Variants in TMEM233 observed in about 807,000 individuals in gnomAD.
TMEM233 encodes dispanin subfamily B member 2.
In TMEM233, 6 loss-of-function variants were observed where a neutral mutation model predicts 11.2. The observed-to-expected ratio is 0.54, with a 90% CI of 0.29 to 1.06. The LOEUF is 1.06. Among genes scored for constraint, TMEM233 ranks in the 50% least tolerant of loss-of-function variants. The probability of loss-of-function intolerance (pLI) is 0.08; values close to 1 mark genes in which losing one functional copy is unlikely to be tolerated. For missense variants in TMEM233, 127 were observed against 144.7 expected (o/e 0.88, Z 0.63); for synonymous variants, 59 against 55.8 (o/e 1.06, Z -0.26).
At chr12:119,621,037 T>C (rs113779965) in intron 1 of TMEM233, among the ~76,000 whole-genome samples, 1,592 of 136,170 alleles carry the variant, frequency 0.012, 32 homozygotes, top group African/African-American at 0.041. Context: ...CATGCCACCA[T>C]ACCTGGCTTT....
intron 2 of TMEM233, chr12:119,631,545 G>A (rs1161160658): frequency 7.1e-6 from 7 of 985,456 alleles, no homozygotes; most frequent in Non-Finnish European, 8.4e-6. Context: ...TTGCCTGCAG[G>A]ATGGCAAATT....
chr12:119,612,750 CAAAA>C (rs35540796), intron 1 of TMEM233, among the ~76,000 whole-genome samples: 2 of 108,526 alleles, frequency 1.8e-5, no homozygotes, highest in Admixed American at 1.0e-4. Context: ...GACTCCGTCT[CAAAA>C]AAAAAAAAAA....
intron 1 of TMEM233, among the ~76,000 whole-genome samples, chr12:119,613,375 G>T (rs764584018): frequency 3.3e-5 from 5 of 152,194 alleles, no homozygotes; most frequent in African/African-American, 4.8e-5. Flanking sequence ...TGCCTTCACG[G>T]AGCTCACAGT....
Position 119,594,269 on chromosome 12 carries a change from C to A in TMEM233, c.186+235C>A. 2.0e-6 allele frequency: 1 copy of A among 502,926 alleles called. No individual in the cohort carries two copies. The highest frequency in any genetic ancestry group is 3.5e-6 in the Non-Finnish European group (1 of 284,458). 31.2% of individuals were successfully genotyped at this position (502,926 alleles called of 1,614,324 possible). On this transcript the variant is annotated intron_variant, in intron 1 of 2. Transcript: ENST00000426426. The surrounding 1 kb of genome is among the most constrained non-coding windows in gnomAD (Gnocchi z 5.6). ...ACTCAGAGCCCTGATCAAGCTTCCC[C>A]CAGGCTAGCTTTCCTCTTCTTTCCA...
chr12:119,605,726 G>T (rs553606642), intron 1 of TMEM233, among the ~76,000 whole-genome samples: 1 of 152,168 alleles, frequency 6.6e-6, no homozygotes, highest in South Asian at 2.1e-4. Context: ...ACAACATCTG[G>T]CCCTGCCTTA....
chr12:119,615,597 T>C (rs1363941840), intron 1 of TMEM233, among the ~76,000 whole-genome samples: 2 of 152,154 alleles, frequency 1.3e-5, no homozygotes, highest in African/African-American at 4.8e-5. Context: ...CAGGGAGATA[T>C]AAAAATATAA....
At chr12:119,613,672 G>A (rs1246034709) in intron 1 of TMEM233, among the ~76,000 whole-genome samples, 2 of 152,076 alleles carry the variant, frequency 1.3e-5, no homozygotes, top group Non-Finnish European at 2.9e-5. Context: ...AAAATTAGTC[G>A]GGCATGGTGG....
At chr12:119,650,733 C>A in the TMEM233 span, among the ~76,000 whole-genome samples, 15 of 152,234 alleles carry the variant, frequency 9.9e-5, 1 homozygote, top group Admixed American at 7.8e-4. Flanking sequence ...ACCTTCACCC[C>A]CCAGATTCAA....
chr12:119,600,880 A>G (rs1192751154), intron 1 of TMEM233, among the ~76,000 whole-genome samples: 1 of 152,066 alleles, frequency 6.6e-6, no homozygotes, highest in Non-Finnish European at 1.5e-5. Flanking sequence ...TGGTTGTACA[A>G]CAGTGTGAAT....
intron 1 of TMEM233, among the ~76,000 whole-genome samples, chr12:119,616,961 T>G (rs962799574): frequency 3.9e-5 from 6 of 152,234 alleles, no homozygotes; most frequent in African/African-American, 1.2e-4. Flanking sequence ...CCTGTGGAAC[T>G]GTGAGTCAAT....
At chr12:119,599,852 G>A (rs1954123280) in intron 1 of TMEM233, among the ~76,000 whole-genome samples, 1 of 152,142 alleles carries the variant, frequency 6.6e-6, no homozygotes, top group Non-Finnish European at 1.5e-5. Context: ...TAAACAGAAT[G>A]ACTGTGGACA....
At chr12:119,638,513 G>A (rs1019981715) in intron 2 of TMEM233, among the ~76,000 whole-genome samples, 1 of 152,032 alleles carries the variant, frequency 6.6e-6, no homozygotes, top group Non-Finnish European at 1.5e-5. Flanking sequence ...GGCCCACCCT[G>A]GACCAATTAA....
chr12:119,629,665 C>T, intron 1 of TMEM233, 71 bp from the exon 2 acceptor site: 2 of 1,447,110 alleles, frequency 1.4e-6, no homozygotes, highest in Non-Finnish European at 1.8e-6. Context: ...TTCATCAGGA[C>T]AGCCTGAGGA....
At chr12:119,607,631 C>T (rs1239244646) in intron 1 of TMEM233, among the ~76,000 whole-genome samples, 2 of 148,656 alleles carry the variant, frequency 1.3e-5, no homozygotes, top group Non-Finnish European at 3.0e-5. Flanking sequence ...GACAGAGTCT[C>T]GCTTTGTCAC....
chr12:119,618,730 C>T (rs1342558118), intron 1 of TMEM233, among the ~76,000 whole-genome samples: 1 of 152,130 alleles, frequency 6.6e-6, no homozygotes, highest in Non-Finnish European at 1.5e-5. Context: ...ATGCCTGTAC[C>T]CCCATTGTAT....
At chr12:119,627,335 G>A (rs1221242256) in intron 1 of TMEM233, among the ~76,000 whole-genome samples, 4 of 149,356 alleles carry the variant, frequency 2.7e-5, no homozygotes, top group African/African-American at 9.7e-5. Context: ...TAGCACAAAA[G>A]TAGTGTGTCA....
At chr12:119,653,886 G>C in the TMEM233 span, among the ~76,000 whole-genome samples, 2 of 151,518 alleles carry the variant, frequency 1.3e-5, no homozygotes, top group Non-Finnish European at 2.9e-5. Context: ...AGAAAGAATG[G>C]AGCATTTAAA....
At chr12:119,630,958 G>T (rs1215818350) in intron 2 of TMEM233, 3 of 152,210 alleles carry the variant, frequency 2.0e-5, no homozygotes, top group Non-Finnish European at 4.4e-5. Context: ...TGCTGCTGAT[G>T]TGTTGTCCCT....
At chr12:119,614,582 A>G (rs1296182558) in intron 1 of TMEM233, among the ~76,000 whole-genome samples, 3 of 152,238 alleles carry the variant, frequency 2.0e-5, no homozygotes, top group Non-Finnish European at 2.9e-5. Context: ...TAGTACATCA[A>G]ATCTTGCTCT....
Sources: gnomAD v4.1 joint callset for allele counts (sites outside exome capture counted in the v4.1 genomes callset) on GRCh38, gnomAD v4.1.1 for gene constraint, Gnocchi (gnomAD v3.1) non-coding constraint, MANE v1.5 for transcripts, NCBI Gene and HGNC (gene_info 2026-07-23, HGNC 2026-07-21) for gene names.